The following RASAL2 variants were observed in gnomAD, a reference collection of about 807,000 sequenced individuals.
The protein encoded by RASAL2 is ras GTPase-activating protein nGAP.
Under a neutral mutation model 128.9 loss-of-function variants are expected in RASAL2, and 58 were observed. The observed-to-expected ratio is 0.45, with a 90% CI of 0.36 to 0.56. The LOEUF (loss-of-function observed/expected upper bound fraction) is 0.56. RASAL2 is among the 20% of genes least tolerant of loss of function. RASAL2 has a pLI of 0.00. For synonymous variants in RASAL2, 561 were observed against 580.8 expected (o/e 0.97, Z 0.49); for missense variants, 1,360 against 1,601.6 (o/e 0.85, Z 2.57).
intron 3 of RASAL2, among the ~76,000 whole-genome samples, chr1:178,380,618 A>G (rs1430529938): frequency 2.0e-5 from 3 of 152,098 alleles, no homozygotes; most frequent in East Asian, 1.9e-4. Flanking sequence ...ATGCTTAACT[A>G]TTTTTTAGTT....
At chr1:178,102,882 C>T (rs571069419) in intron 1 of RASAL2, among the ~76,000 whole-genome samples, 24 of 152,224 alleles carry the variant, frequency 1.6e-4, no homozygotes, top group African/African-American at 5.8e-4. Flanking sequence ...ACCTATTCCA[C>T]GTGCATAGAA....
intron 1 of RASAL2, among the ~76,000 whole-genome samples, chr1:178,227,629 A>T (rs1364381781): frequency 6.6e-6 from 1 of 152,160 alleles, no homozygotes; most frequent in Non-Finnish European, 1.5e-5. Context: ...ATAGTGCCTG[A>T]TAGGTAGGTG....
chr1:178,094,665 G>C lies in RASAL2; in HGVS notation c.173G>C (p.Cys58Ser), dbSNP rs1260223292. 1 of 1,614,124 alleles carries C rather than the reference G, an allele frequency of 6.2e-7. No individual in the cohort carries two copies. The highest frequency in any genetic ancestry group is 2.2e-5 in the East Asian group (1 of 44,876). The change falls in exon 1 of 18, where the codon TGC (cysteine) becomes TCC (serine). Residue 58 changes from cysteine (C) to serine (S), a missense_variant. Transcript: ENST00000367649. ...MLDRILLESV[C>S]QQQSWVRVYD... ...GATCGGATCCTTCTGGAGTCCGTGTGCCAGCAACAGAGCTGGGTCCGGGTG... is the reference window on the plus strand; with the variant it reads ...GATCGGATCCTTCTGGAGTCCGTGTCCCAGCAACAGAGCTGGGTCCGGGTG...
At chr1:178,311,753 G>A (rs1668263157) in intron 3 of RASAL2, among the ~76,000 whole-genome samples, 1 of 151,672 alleles carries the variant, frequency 6.6e-6, no homozygotes, top group South Asian at 2.1e-4. Context: ...AAAGATCTAA[G>A]AATACCAACT....
intron 3 of RASAL2, among the ~76,000 whole-genome samples, chr1:178,311,997 A>G (rs1668277455): frequency 1.3e-5 from 2 of 152,112 alleles, no homozygotes; most frequent in South Asian, 4.1e-4. Flanking sequence ...TCTACTAAAA[A>G]ATTAGAATAT....
chr1:178,471,139 T>G (rs1403963126), intron 17 of RASAL2, among the ~76,000 whole-genome samples: 1 of 152,202 alleles, frequency 6.6e-6, no homozygotes, highest in Non-Finnish European at 1.5e-5. Context: ...TTATTTATTT[T>G]TGGATGAACC....
intron 1 of RASAL2, among the ~76,000 whole-genome samples, chr1:178,181,513 G>A (rs1662107545): frequency 1.3e-5 from 2 of 151,862 alleles, no homozygotes; most frequent in Middle Eastern, 3.2e-3. Flanking sequence ...ACCTGCCACC[G>A]TGCCCGGCTA....
At chr1:178,283,146 C>G (rs1666860989) in intron 1 of RASAL2, among the ~76,000 whole-genome samples, 1 of 152,192 alleles carries the variant, frequency 6.6e-6, no homozygotes, top group Non-Finnish European at 1.5e-5. Context: ...GATACATTTA[C>G]TCTCAGAGTT....
intron 3 of RASAL2, among the ~76,000 whole-genome samples, chr1:178,301,286 A>G (rs1052828507): frequency 3.3e-5 from 5 of 152,204 alleles, no homozygotes; most frequent in Non-Finnish European, 5.9e-5. Flanking sequence ...GTGTGGGCCT[A>G]AATTCTACTA....
chr1:178,402,694 A>G (rs146220644), intron 4 of RASAL2, among the ~76,000 whole-genome samples: 1 of 152,086 alleles, frequency 6.6e-6, no homozygotes, highest in Non-Finnish European at 1.5e-5. Context: ...ACCATCCATA[A>G]TGTGGATTTT....
intron 3 of RASAL2, among the ~76,000 whole-genome samples, chr1:178,334,083 A>G (rs116165584): frequency 0.013 from 1,910 of 152,274 alleles, 18 homozygotes; most frequent in Middle Eastern, 0.02. Flanking sequence ...GCGTAATTCC[A>G]TGCTTTTTAT....
intron 1 of RASAL2, among the ~76,000 whole-genome samples, chr1:178,207,073 T>G (rs1442173040): frequency 6.6e-6 from 1 of 151,052 alleles, no homozygotes; most frequent in Admixed American, 6.6e-5. Context: ...TCCAAGCTAC[T>G]CGGGAGGCTG....
At chr1:178,132,058 T>G (rs901058909) in intron 1 of RASAL2, among the ~76,000 whole-genome samples, 2 of 151,816 alleles carry the variant, frequency 1.3e-5, no homozygotes, top group African/African-American at 4.8e-5. Flanking sequence ...TTCTCTTCCC[T>G]CTCTTCCCCC....
At chr1:178,148,312 A>G (rs1660798277) in intron 1 of RASAL2, among the ~76,000 whole-genome samples, 2 of 152,230 alleles carry the variant, frequency 1.3e-5, no homozygotes, top group South Asian at 4.1e-4. Flanking sequence ...AGTTTTATGT[A>G]TACACTATAA....
At position 178,474,597 on chromosome 1, in the gene RASAL2, C is replaced by T. The variant is rs1648542980; in HGVS notation, c.*1358C>T. The T allele has an allele frequency of 6.6e-6, 1 of 152,020 alleles. No homozygotes were observed. The highest frequency in any genetic ancestry group is 1.5e-5 in the Non-Finnish European group (1 of 68,022). The allele number at this position is 152,020 out of a possible 1,614,324, so 9.4% of individuals were successfully genotyped here. ...AAAAGTCATGGAAACGAATTCATTTCCTTTTTTCCAGAGGTGTGCAATGTC... is the reference window on the plus strand; with the variant it reads ...AAAAGTCATGGAAACGAATTCATTTTCTTTTTTCCAGAGGTGTGCAATGTC... On this transcript the variant is annotated 3_prime_UTR_variant, in exon 18 of 18. Coordinates refer to ENST00000367649, the MANE Select transcript of RASAL2 (RefSeq NM_170692.4).
intron 11 of RASAL2, among the ~76,000 whole-genome samples, chr1:178,454,214 A>T (rs1219644860): frequency 6.6e-6 from 1 of 151,268 alleles, no homozygotes; most frequent in African/African-American, 2.4e-5. Flanking sequence ...AAAAAAAAAA[A>T]AGGAGTTTTG....
In RASAL2 at chr1:178,297,641, A is replaced by T. The variant is rs115228172; in HGVS notation, c.331-2351A>T. On this transcript the variant is annotated intron_variant, in intron 2 of 17. Coordinates refer to ENST00000367649, the MANE Select transcript of RASAL2 (RefSeq NM_170692.4). Reference sequence around the variant, plus strand: ...AAAAAAAAAAAAACTTAAGAAATGCAATTCAGAATAAAGGTTATATTATGT... The same window carrying T: ...AAAAAAAAAAAAACTTAAGAAATGCTATTCAGAATAAAGGTTATATTATGT... Among the ~76,000 whole-genome samples the T allele has an allele frequency of 6.5e-3, 987 of 151,554 alleles. 10 individuals are homozygous for T. Among genetic ancestry groups the T allele is most frequent in the African/African-American group, 0.021 (872 of 41,340 alleles).
In RASAL2 at chr1:178,458,084, A is replaced by C. The variant is rs1036040253; in HGVS notation, c.2792A>C (p.Asn931Thr). 1 of 1,613,966 alleles carries C rather than the reference A, an allele frequency of 6.2e-7. No individual in the cohort carries two copies. Residue 931 changes from asparagine to threonine, a missense_variant, in exon 14 of 18, where the codon AAC becomes ACC. Asn to Thr is a moderately conservative substitution (Grantham distance 65). Around this residue, in one of 3 missense-constraint regions of RASAL2, gnomAD observed 741 missense variants for 868.6 expected, o/e 0.85. Transcript: ENST00000367649. ...CAGAACCCTGTCTATCACCTCAATAACCCAATTCCAGCAATGCCAAAGGCC... is the reference window on the plus strand; with the variant it reads ...CAGAACCCTGTCTATCACCTCAATACCCCAATTCCAGCAATGCCAAAGGCC... ...SFQNPVYHLNNPIPAMPKASI... is the reference protein window; with the variant it reads ...SFQNPVYHLNTPIPAMPKASI...
chr1:178,164,208 C>T (rs1571569421), intron 1 of RASAL2, among the ~76,000 whole-genome samples: 1 of 152,060 alleles, frequency 6.6e-6, no homozygotes, highest in Non-Finnish European at 1.5e-5. Context: ...TAGAAATTAG[C>T]TCTAAGACTC....
Sources: allele counts gnomAD v4.1 joint callset (sites outside exome capture counted in the v4.1 genomes callset), GRCh38; gene constraint gnomAD v4.1.1; regional missense constraint gnomAD v4.1.1; transcripts MANE v1.5; gene names NCBI Gene and HGNC (gene_info 2026-07-23, HGNC 2026-07-21).